Variants in DNAJC6 observed in about 807,000 individuals in gnomAD.
DNAJC6 encodes the protein DnaJ heat shock protein family (Hsp40) member C6, also known as auxilin.
DNAJC6 carries 34 observed loss-of-function variants against 110.0 expected under a neutral mutation model. The ratio of observed to expected loss-of-function variants is 0.31; its 90% CI spans 0.24 to 0.41. The LOEUF (loss-of-function observed/expected upper bound fraction) is 0.41. DNAJC6 is among the 10% of genes least tolerant of loss of function. DNAJC6 has a pLI of 1.00. For synonymous variants in DNAJC6, 406 were observed against 437.2 expected, an observed-to-expected ratio of 0.93 and a Z score of 0.89; for missense variants, 1,031 against 1,207.8, an observed-to-expected ratio of 0.85 and a Z score of 2.17.
intron 1 of DNAJC6, among the ~76,000 whole-genome samples, chr1:65,349,209 A>G (rs12060747): frequency 0.71 from 106,332 of 148,960 alleles, 39,122 homozygotes; most frequent in African/African-American, 0.9. Flanking sequence ...CACTGTATAC[A>G]TAAAATAAAA....
intron 1 of DNAJC6, among the ~76,000 whole-genome samples, chr1:65,294,653 C>T (rs1644912396): frequency 6.6e-6 from 1 of 152,098 alleles, no homozygotes; most frequent in Admixed American, 6.5e-5. Context: ...TATAAAATAT[C>T]TTATTGATTA....
Position 65,389,303 on chromosome 1 carries a change from T to A in DNAJC6, c.1241T>A (p.Phe414Tyr), listed in dbSNP as rs1645901856. Reference sequence around the variant, plus strand: ...GTACCAGAAAAATATCCTCAGCTATTTCAGGTGACACTGGATGTAGAACTA... The same window carrying A: ...GTACCAGAAAAATATCCTCAGCTATATCAGGTGACACTGGATGTAGAACTA... ...CDVPEKYPQL[F>Y]QVTLDVELQP... Residue 414 changes from phenylalanine (F) to tyrosine (Y), a missense_variant, in exon 10 of 19, where the codon TTT (phenylalanine) becomes TAT (tyrosine). Physicochemically the swap from Phe to Tyr is conservative, Grantham distance 22. Coordinates refer to ENST00000371069, the MANE Select transcript of DNAJC6 (RefSeq NM_001256864.2). The A allele has an allele frequency of 3.1e-6, 5 of 1,614,152 alleles. No homozygotes were observed. The highest frequency in any genetic ancestry group is 4.2e-6 in the Non-Finnish European group (5 of 1,180,006).
intron 4 of DNAJC6, among the ~76,000 whole-genome samples, chr1:65,366,589 G>A (rs1645648781): frequency 6.6e-6 from 1 of 152,202 alleles, no homozygotes; most frequent in Non-Finnish European, 1.5e-5. Context: ...AGATAAGGCA[G>A]TGTGGATAGA....
chr1:65,363,651 G>T (rs910401272), intron 1 of DNAJC6, among the ~76,000 whole-genome samples: 17 of 152,100 alleles, frequency 1.1e-4, no homozygotes, highest in African/African-American at 4.1e-4. Flanking sequence ...GAGGTGGAGT[G>T]GGGGTTGGGG....
chr1:65,379,362 T>G (rs974406930), intron 4 of DNAJC6, 40 bp from the exon 5 acceptor site: 7 of 1,611,600 alleles, frequency 4.3e-6, no homozygotes, highest in Non-Finnish European at 5.9e-6. Flanking sequence ...GAAGAGGAAG[T>G]TGCTGGAGGA....
intron 4 of DNAJC6, among the ~76,000 whole-genome samples, chr1:65,369,500 A>C (rs2101568011): frequency 6.6e-6 from 1 of 152,320 alleles, no homozygotes; most frequent in East Asian, 1.9e-4. Context: ...TTATTTTAAT[A>C]AATGTTGATG....
chr1:65,285,852 G>C (rs1225269074), intron 1 of DNAJC6, among the ~76,000 whole-genome samples: 4 of 151,696 alleles, frequency 2.6e-5, no homozygotes, highest in African/African-American at 4.8e-5. Flanking sequence ...TTGTATTTTT[G>C]ATAGAGATGG....
At chr1:65,293,006 AAGG>A (rs1015385722) in intron 1 of DNAJC6, among the ~76,000 whole-genome samples, 3 of 152,080 alleles carry the variant, frequency 2.0e-5, no homozygotes, top group South Asian at 4.1e-4. Context: ...TCTCTTGGAG[AAGG>A]AGAAGAGGAG....
intron 1 of DNAJC6, among the ~76,000 whole-genome samples, chr1:65,315,678 T>C (rs1323668503): frequency 6.6e-6 from 1 of 152,218 alleles, no homozygotes; most frequent in East Asian, 1.9e-4. Flanking sequence ...TGGTGTCACA[T>C]TTAACCCTCA....
intron 1 of DNAJC6, among the ~76,000 whole-genome samples, chr1:65,292,337 T>G (rs968048878): frequency 2.0e-5 from 3 of 151,796 alleles, no homozygotes; most frequent in African/African-American, 7.3e-5. Flanking sequence ...TTTTTTGTTT[T>G]TTTTTTTTAA....
intron 1 of DNAJC6, among the ~76,000 whole-genome samples, chr1:65,298,424 A>C (rs978552695): frequency 6.6e-6 from 1 of 152,132 alleles, no homozygotes; most frequent in African/African-American, 2.4e-5. Context: ...TCCTGAAGAG[A>C]AACTGGTTAG....
intron 1 of DNAJC6, among the ~76,000 whole-genome samples, chr1:65,300,140 A>G (rs1312263636): frequency 6.6e-6 from 1 of 152,190 alleles, no homozygotes; most frequent in Non-Finnish European, 1.5e-5. Context: ...AACAGAAAAA[A>G]GCAAAATAAC....
chr1:65,309,043 A>G (rs1169310361), upstream of DNAJC6, among the ~76,000 whole-genome samples: 1 of 152,160 alleles, frequency 6.6e-6, no homozygotes, highest in African/African-American at 2.4e-5. Context: ...TTGAGTTACA[A>G]GTCAGTTCTC....
intron 1 of DNAJC6, among the ~76,000 whole-genome samples, chr1:65,293,026 G>A (rs937948906): frequency 2.6e-5 from 4 of 152,336 alleles, no homozygotes; most frequent in Middle Eastern, 3.4e-3. Context: ...GGAGCCAAGA[G>A]AGCAAGCAGA....
chr1:65,281,656 T>A (rs890447807), intron 1 of DNAJC6, among the ~76,000 whole-genome samples: 7 of 152,154 alleles, frequency 4.6e-5, no homozygotes, highest in Non-Finnish European at 8.8e-5. Flanking sequence ...TCACCCAGAC[T>A]GGAGTGCAGT....
rs1653806833 is a variant in DNAJC6, at chr1:65,280,355, A to G, written c.-131+15423A>G. Among the ~76,000 whole-genome samples the G allele has an allele frequency of 2.6e-5, 4 of 152,250 alleles. No homozygotes were observed. The South Asian group carries it at 8.3e-4, about 32-fold the overall frequency. ...TTTTTTCACTTAATATGACGGCCCA[A>G]ACACTCTCCACATTTTTAGTGTCTG... On this transcript the variant is annotated intron_variant, in intron 1 of 19. Transcript: ENST00000263441.
intron 1 of DNAJC6, among the ~76,000 whole-genome samples, chr1:65,295,764 T>A (rs1175053374): frequency 2.6e-5 from 4 of 152,210 alleles, no homozygotes. Flanking sequence ...GTAAATGGGG[T>A]TTGTGTCGAC....
intron 4 of DNAJC6, among the ~76,000 whole-genome samples, chr1:65,376,132 A>G (rs1570346539): frequency 6.6e-6 from 1 of 152,242 alleles, no homozygotes; most frequent in East Asian, 1.9e-4. Flanking sequence ...GTATGTGTCC[A>G]GGCATTTATC....
chr1:65,327,911 C>T (rs1645254842), intron 1 of DNAJC6, among the ~76,000 whole-genome samples: 1 of 152,084 alleles, frequency 6.6e-6, no homozygotes, highest in Non-Finnish European at 1.5e-5. Context: ...GATGGTGTCT[C>T]ACCATGTTGC....
Sources: allele counts gnomAD v4.1 joint callset (sites outside exome capture counted in the v4.1 genomes callset), GRCh38; gene constraint gnomAD v4.1.1; transcripts MANE v1.5; gene names NCBI Gene and HGNC (gene_info 2026-07-23, HGNC 2026-07-21).